ANK2: variants seen among roughly 807,000 people sequenced by gnomAD.
ANK2 encodes the protein ankyrin-2.
Under a neutral mutation model 360.5 loss-of-function variants are expected in ANK2, and 83 were observed. The ratio of observed to expected loss-of-function variants is 0.23; its 90% CI spans 0.19 to 0.28. ANK2 has a LOEUF of 0.28. ANK2 is among the 10% of genes least tolerant of loss of function. The pLI, the probability that ANK2 is intolerant of heterozygous loss-of-function variation, is 1.00. For missense variants in ANK2, 4,201 were observed against 4,795.7 expected (o/e 0.88, Z 3.66); for synonymous variants, 1,740 against 1,759.5 (o/e 0.99, Z 0.28).
chr4:112,712,501 G>A, the ANK2 span, among the ~76,000 whole-genome samples: 4 of 146,356 alleles, frequency 2.7e-5, no homozygotes, highest in Admixed American at 7.1e-5. Flanking sequence ...TCCGCCTCCC[G>A]GGTTCACGCC....
At chr4:112,794,128 C>T in the ANK2 span, among the ~76,000 whole-genome samples, 2 of 152,184 alleles carry the variant, frequency 1.3e-5, no homozygotes, top group Non-Finnish European at 2.9e-5. Context: ...AATGCAAACA[C>T]AGAACTCTGA....
chr4:113,267,309 T>C (rs1335527285), intron 14 of ANK2, among the ~76,000 whole-genome samples: 3 of 152,328 alleles, frequency 2.0e-5, no homozygotes, highest in Middle Eastern at 3.4e-3. Flanking sequence ...GGTGTTTTAG[T>C]CATGAAGTCT....
At chr4:112,977,855 G>T (rs2041949038) in intron 2 of ANK2, among the ~76,000 whole-genome samples, 1 of 152,104 alleles carries the variant, frequency 6.6e-6, no homozygotes, top group South Asian at 2.1e-4. Context: ...TCCTATGTTA[G>T]TTTGCTGAGG....
intron 1 of ANK2, among the ~76,000 whole-genome samples, chr4:112,833,585 G>A (rs1002293503): frequency 1.3e-5 from 2 of 150,898 alleles, no homozygotes; most frequent in Non-Finnish European, 2.9e-5. Flanking sequence ...CTCACTGCAA[G>A]CTCCGCCTCC....
the ANK2 span, among the ~76,000 whole-genome samples, chr4:112,709,100 G>A: frequency 5.3e-5 from 8 of 152,142 alleles, no homozygotes; most frequent in Admixed American, 3.9e-4. Flanking sequence ...TTATCAATGC[G>A]CCATCTTTTC....
the ANK2 span, among the ~76,000 whole-genome samples, chr4:112,742,259 T>A: frequency 6.6e-6 from 1 of 152,176 alleles, no homozygotes; most frequent in Admixed American, 6.5e-5. Context: ...AGAGCGAGAC[T>A]CTGTCTCAGA....
intron 1 of ANK2, among the ~76,000 whole-genome samples, chr4:112,822,880 AAAC>A: frequency 1.3e-5 from 2 of 152,326 alleles, no homozygotes; most frequent in Non-Finnish European, 2.9e-5. Context: ...TTAAAAAAAA[AAAC>A]TTGTTCATTG....
At chr4:113,229,922 T>C (rs2099271709) in intron 4 of ANK2, among the ~76,000 whole-genome samples, 1 of 152,210 alleles carries the variant, frequency 6.6e-6, no homozygotes, top group Non-Finnish European at 1.5e-5. Context: ...CTATTAAAAG[T>C]TCTTTTTCTC....
At chr4:112,901,161 C>T (rs986379250) in intron 1 of ANK2, among the ~76,000 whole-genome samples, 22 of 152,200 alleles carry the variant, frequency 1.4e-4, no homozygotes, top group Non-Finnish European at 3.2e-4. Flanking sequence ...CACTTCATAC[C>T]TTTTTGTAGG....
chr4:113,118,361 A>G (rs1459510813), intron 1 of ANK2, among the ~76,000 whole-genome samples: 1 of 152,220 alleles, frequency 6.6e-6, no homozygotes, highest in Non-Finnish European at 1.5e-5. Flanking sequence ...TTAGGGATGC[A>G]ATGGGGATCC....
chr4:113,074,573 A>G (rs1379665211), intron 1 of ANK2, among the ~76,000 whole-genome samples: 1 of 152,254 alleles, frequency 6.6e-6, no homozygotes, highest in Non-Finnish European at 1.5e-5. Context: ...GAAAAGTATG[A>G]TGATTTAAAA....
chr4:112,840,534 A>G (rs569027721), intron 1 of ANK2, among the ~76,000 whole-genome samples: 57 of 152,318 alleles, frequency 3.7e-4, no homozygotes, highest in African/African-American at 1.3e-3. Context: ...TAAGGGCCAC[A>G]GGCTTATATA....
chr4:113,063,404 T>A (rs773346313), intron 1 of ANK2, among the ~76,000 whole-genome samples: 4 of 152,162 alleles, frequency 2.6e-5, no homozygotes, highest in Non-Finnish European at 4.4e-5. Context: ...TGCCTTCTTC[T>A]CTGTGTCTAG....
intron 4 of ANK2, among the ~76,000 whole-genome samples, chr4:113,211,943 A>T (rs2099027425): frequency 6.6e-6 from 1 of 152,114 alleles, no homozygotes; most frequent in Admixed American, 6.5e-5. Context: ...TTTATGCTAT[A>T]TTATCTTGCT....
chr4:113,116,826 C>A (rs2094841060), intron 1 of ANK2, among the ~76,000 whole-genome samples: 1 of 152,192 alleles, frequency 6.6e-6, no homozygotes, highest in African/African-American at 2.4e-5. Context: ...ACAGAGGTGG[C>A]CTCTTCCTGG....
intron 1 of ANK2, among the ~76,000 whole-genome samples, chr4:113,058,891 A>G (rs1443726908): frequency 2.6e-5 from 4 of 152,188 alleles, no homozygotes; most frequent in Non-Finnish European, 5.9e-5. Context: ...CCTTAGAGTG[A>G]GTAGTTTAAA....
chr4:113,247,584 C>G (rs940795177), intron 9 of ANK2, among the ~76,000 whole-genome samples: 1 of 152,212 alleles, frequency 6.6e-6, no homozygotes, highest in African/African-American at 2.4e-5. Flanking sequence ...AAGCAATACT[C>G]TGCCTTTTCT....
rs796172791 is a variant in ANK2 at position 113,290,171 on chromosome 4, G to T, written c.2277+1685G>T. 7.0e-3 allele frequency among the ~76,000 whole-genome samples: 771 copies of T among 110,048 alleles called. 7 individuals are homozygous for T. The highest frequency in any genetic ancestry group is 0.013 in the African/African-American group (366 of 29,246). 72.2% of individuals were successfully genotyped at this position (110,048 alleles called of 152,430 possible). A position where few individuals can be genotyped will look rare whatever the true frequency, so the allele number is the denominator to read the frequency against. On this transcript the variant is annotated intron_variant, in intron 20 of 45. Transcript: ENST00000357077. ...TCATTTTATCATTTCAGTTTTTTTT[G>T]TTTTTTTTTTTTTAAGTGAACTAAG...
chr4:113,029,996 T>C (rs1350383235), intron 2 of ANK2, among the ~76,000 whole-genome samples: 1 of 152,080 alleles, frequency 6.6e-6, no homozygotes, highest in Non-Finnish European at 1.5e-5. Context: ...TAATAAGATA[T>C]AGTTTTCCAC....
Sources: gnomAD v4.1 joint callset for allele counts (sites outside exome capture counted in the v4.1 genomes callset) on GRCh38, gnomAD v4.1.1 for gene constraint, MANE v1.5 for transcripts, NCBI Gene and HGNC (gene_info 2026-07-23, HGNC 2026-07-21) for gene names.